PDE10A: variants seen among roughly 807,000 people sequenced by gnomAD.
PDE10A encodes phosphodiesterase 10A.
PDE10A carries 39 observed loss-of-function variants against 97.7 expected under a neutral mutation model. The ratio of observed to expected loss-of-function variants is 0.40; its 90% CI spans 0.31 to 0.52. The LOEUF (loss-of-function observed/expected upper bound fraction) is 0.52. Ranked by LOEUF, PDE10A falls within the 20% of genes least tolerant of loss-of-function variation. The pLI, the probability that PDE10A is intolerant of heterozygous loss-of-function variation, is 0.56. For synonymous variants in PDE10A, 371 were observed against 376.8 expected (o/e 0.98, Z 0.18); for missense variants, 731 against 1,047.8 (o/e 0.70, Z 4.17).
chr6:165,600,741 T>C (rs1243661765), intron 1 of PDE10A, among the ~76,000 whole-genome samples: 1 of 152,184 alleles, frequency 6.6e-6, no homozygotes, highest in Non-Finnish European at 1.5e-5. Context: ...ATAACGGCCT[T>C]GAGACTGCTT....
chr6:165,688,371 A>C (rs1259402701), intron 1 of PDE10A, among the ~76,000 whole-genome samples: 1 of 152,184 alleles, frequency 6.6e-6, no homozygotes, highest in Non-Finnish European at 1.5e-5. Context: ...TCAAATCCGA[A>C]GGTTCATCTC....
intron 1 of PDE10A, among the ~76,000 whole-genome samples, chr6:165,794,131 ACG>A (rs1491244467): frequency 7.1e-6 from 1 of 141,044 alleles, no homozygotes; most frequent in South Asian, 2.3e-4. Context: ...ACACACACAC[ACG>A]CTCACACTCA....
intron 3 of PDE10A, among the ~76,000 whole-genome samples, chr6:165,463,632 T>C (rs974406107): frequency 6.6e-6 from 1 of 152,194 alleles, no homozygotes; most frequent in African/African-American, 2.4e-5. Context: ...GCCTTTGCTT[T>C]TATCGATTTG....
intron 18 of PDE10A, among the ~76,000 whole-genome samples, chr6:165,361,017 C>A (rs1205971496): frequency 2.0e-5 from 3 of 152,166 alleles, no homozygotes; most frequent in Non-Finnish European, 2.9e-5. Flanking sequence ...CACTTAAATT[C>A]AGCACAAGCC....
At chr6:165,569,445 C>A (rs1784944434) in intron 1 of PDE10A, among the ~76,000 whole-genome samples, 1 of 152,186 alleles carries the variant, frequency 6.6e-6, no homozygotes, top group African/African-American at 2.4e-5. Context: ...TCCAACCTTT[C>A]CAATGTGCTT....
At chr6:165,652,911 A>C (rs1258076671) in intron 1 of PDE10A, among the ~76,000 whole-genome samples, 1 of 152,130 alleles carries the variant, frequency 6.6e-6, no homozygotes, top group Non-Finnish European at 1.5e-5. Context: ...CGCTCTAAAC[A>C]CTTATCTCCC....
chr6:165,607,612 T>G (rs1472315018), intron 1 of PDE10A, among the ~76,000 whole-genome samples: 2 of 152,288 alleles, frequency 1.3e-5, no homozygotes, highest in East Asian at 3.9e-4. Flanking sequence ...TCCCTATCAT[T>G]AAGCGACACA....
intron 10 of PDE10A, among the ~76,000 whole-genome samples, chr6:165,421,175 C>T (rs1165833436): frequency 6.6e-6 from 1 of 152,182 alleles, no homozygotes. Flanking sequence ...GGTGTGGTGG[C>T]TCATGCCTGT....
At chr6:165,498,686 A>G (rs868128109) in intron 2 of PDE10A, among the ~76,000 whole-genome samples, 1 of 152,146 alleles carries the variant, frequency 6.6e-6, no homozygotes, top group African/African-American at 2.4e-5. Flanking sequence ...GAATATAAAC[A>G]TTAAGAACTT....
intron 1 of PDE10A, among the ~76,000 whole-genome samples, chr6:165,810,998 G>A (rs1047798134): frequency 3.9e-5 from 6 of 152,166 alleles, no homozygotes; most frequent in Non-Finnish European, 8.8e-5. Flanking sequence ...GGCCCAGGCT[G>A]GCAGATCACA....
At chr6:165,654,131 G>C (rs1415440092) in intron 1 of PDE10A, among the ~76,000 whole-genome samples, 1 of 152,174 alleles carries the variant, frequency 6.6e-6, no homozygotes, top group East Asian at 1.9e-4. Context: ...TTTAAATGCA[G>C]AGTGTATGAA....
At chr6:165,763,554 C>G (rs1293839896) in intron 1 of PDE10A, among the ~76,000 whole-genome samples, 4 of 152,150 alleles carry the variant, frequency 2.6e-5, no homozygotes, top group Non-Finnish European at 4.4e-5. Flanking sequence ...AACTCCTGAC[C>G]TCAGGTGATC....
chr6:165,853,652 A>T (rs1389002054), intron 1 of PDE10A, among the ~76,000 whole-genome samples: 1 of 152,206 alleles, frequency 6.6e-6, no homozygotes, highest in East Asian at 1.9e-4. Flanking sequence ...AATGCCAATG[A>T]CTTCGCTAAT....
At chr6:165,762,657 A>C (rs1239979790) in intron 1 of PDE10A, among the ~76,000 whole-genome samples, 1 of 152,044 alleles carries the variant, frequency 6.6e-6, no homozygotes, top group East Asian at 1.9e-4. Context: ...TAATGAAGCC[A>C]ATCAAATAAA....
intron 1 of PDE10A, among the ~76,000 whole-genome samples, chr6:165,742,820 T>C (rs1397192434): frequency 6.6e-6 from 1 of 151,012 alleles, no homozygotes; most frequent in Non-Finnish European, 1.5e-5. Flanking sequence ...AGGGAGGGGT[T>C]CATTTTCCCA....
chr6:165,555,412 A>T (rs576113162), intron 1 of PDE10A, among the ~76,000 whole-genome samples: 3 of 152,332 alleles, frequency 2.0e-5, no homozygotes, highest in African/African-American at 7.2e-5. Flanking sequence ...CCTACTCCAT[A>T]GGGTTATAAT....
chr6:165,896,588 A>C (rs987386327), intron 1 of PDE10A, among the ~76,000 whole-genome samples: 6 of 144,670 alleles, frequency 4.1e-5, no homozygotes, highest in African/African-American at 1.3e-4. Context: ...ACAGTGGCGC[A>C]ATCTCGGCTC....
intron 3 of PDE10A, among the ~76,000 whole-genome samples, chr6:165,478,002 T>C (rs1291567200): frequency 6.6e-6 from 1 of 152,184 alleles, no homozygotes; most frequent in African/African-American, 2.4e-5. Context: ...ACAAGCTCTC[T>C]AAGAAGTGTC....
chr6:165,979,250 C>G (rs933963980), intron 1 of PDE10A, among the ~76,000 whole-genome samples: 2 of 152,130 alleles, frequency 1.3e-5, no homozygotes, highest in Admixed American at 1.3e-4. Context: ...GGGCTGAACT[C>G]CCCATTAGCA....
Sources: gnomAD v4.1 joint callset for allele counts (sites outside exome capture counted in the v4.1 genomes callset) on GRCh38, gnomAD v4.1.1 for gene constraint, MANE v1.5 for transcripts, NCBI Gene and HGNC (gene_info 2026-07-23, HGNC 2026-07-21) for gene names.